The following LYPD6 variants were observed in gnomAD, a reference collection of about 807,000 sequenced individuals.
LYPD6 encodes LY6/PLAUR domain containing 6.
In LYPD6, 15 loss-of-function variants were observed where a neutral mutation model predicts 22.7. The ratio of observed to expected loss-of-function variants is 0.66; its 90% CI spans 0.44 to 1.02. The LOEUF is 1.02. LYPD6 is among the 50% of genes least tolerant of loss of function. LYPD6 has a pLI of 0.00. For missense variants in LYPD6, 189 were observed against 208.4 expected, an observed-to-expected ratio of 0.91 and a Z score of 0.57; for synonymous variants, 72 against 77.5, an observed-to-expected ratio of 0.93 and a Z score of 0.37.
intron 3 of LYPD6, among the ~76,000 whole-genome samples, chr2:149,453,681 C>A (rs547128035): frequency 2.0e-5 from 3 of 152,342 alleles, no homozygotes; most frequent in South Asian, 4.1e-4. Context: ...ATGTGATCCT[C>A]AGCTCAACTG....
chr2:149,399,578 G>C (rs1037764493), intron 1 of LYPD6, among the ~76,000 whole-genome samples: 4 of 151,696 alleles, frequency 2.6e-5, no homozygotes, highest in African/African-American at 9.7e-5. Context: ...AAACCTATGG[G>C]ATATAGGGAC....
chr2:149,432,608 G>C (rs1179170716), intron 1 of LYPD6, among the ~76,000 whole-genome samples: 1 of 152,146 alleles, frequency 6.6e-6, no homozygotes, highest in Non-Finnish European at 1.5e-5. Context: ...CCAAGGTGCA[G>C]GCCTTCCTCT....
chr2:149,448,528 T>A (rs537672833), intron 2 of LYPD6, among the ~76,000 whole-genome samples: 116 of 152,078 alleles, frequency 7.6e-4, no homozygotes, highest in African/African-American at 2.7e-3. Context: ...AACCCACCTC[T>A]CTCCCCACCT....
intron 1 of LYPD6, among the ~76,000 whole-genome samples, chr2:149,375,687 C>T (rs1681902575): frequency 6.6e-6 from 1 of 152,032 alleles, no homozygotes; most frequent in Admixed American, 6.6e-5. Flanking sequence ...TTTGAAATTC[C>T]CAAGTGCTAT....
intron 2 of LYPD6, among the ~76,000 whole-genome samples, chr2:149,438,105 A>G (rs1272500250): frequency 6.6e-6 from 1 of 152,192 alleles, no homozygotes; most frequent in Non-Finnish European, 1.5e-5. Context: ...TGCCAGTCCT[A>G]AGTCAGCTTT....
intron 1 of LYPD6, among the ~76,000 whole-genome samples, chr2:149,404,274 T>G (rs1682637748): frequency 6.6e-6 from 1 of 152,154 alleles, no homozygotes; most frequent in Non-Finnish European, 1.5e-5. Flanking sequence ...GTGAAGAAAA[T>G]CATTGTTAGC....
intron 2 of LYPD6, among the ~76,000 whole-genome samples, chr2:149,447,357 C>T (rs1333167263): frequency 1.3e-5 from 2 of 152,148 alleles, no homozygotes; most frequent in Non-Finnish European, 2.9e-5. Context: ...ACAGTTCCTT[C>T]TGAAGGCAGG....
chr2:149,384,353 C>T (rs1682132269), intron 1 of LYPD6, among the ~76,000 whole-genome samples: 2 of 152,304 alleles, frequency 1.3e-5, no homozygotes, highest in East Asian at 1.9e-4. Context: ...CTGTAGAAAA[C>T]TCAAATGACA....
At chr2:149,341,663 C>T (rs2105049565) in intron 1 of LYPD6, among the ~76,000 whole-genome samples, 1 of 152,272 alleles carries the variant, frequency 6.6e-6, no homozygotes, top group South Asian at 2.1e-4. Context: ...TTATTTCTCA[C>T]ACATCTGAGG....
intron 1 of LYPD6, among the ~76,000 whole-genome samples, chr2:149,398,036 G>A (rs938149736): frequency 2.6e-5 from 4 of 152,178 alleles, no homozygotes; most frequent in African/African-American, 7.2e-5. Flanking sequence ...GAGGGAACAC[G>A]GTAAGATGAG....
intron 1 of LYPD6, among the ~76,000 whole-genome samples, chr2:149,343,093 A>G (rs1006666492): frequency 1.3e-5 from 2 of 152,166 alleles, no homozygotes; most frequent in Admixed American, 6.5e-5. Context: ...CAGCTAGGAC[A>G]TGCAAATTCA....
At chr2:149,402,886 CA>C (rs1181270532) in intron 1 of LYPD6, among the ~76,000 whole-genome samples, 3 of 143,088 alleles carry the variant, frequency 2.1e-5, no homozygotes, top group Non-Finnish European at 3.0e-5. Context: ...CCCCCTCCCC[CA>C]ACCGCACAAC....
At chr2:149,410,111 A>T (rs963773160) in intron 1 of LYPD6, among the ~76,000 whole-genome samples, 1 of 152,216 alleles carries the variant, frequency 6.6e-6, no homozygotes, top group Non-Finnish European at 1.5e-5. Context: ...CACTTGGCAT[A>T]TAGTAGGTGC....
chr2:149,422,397 G>A (rs371703405), intron 1 of LYPD6, among the ~76,000 whole-genome samples: 9 of 152,074 alleles, frequency 5.9e-5, no homozygotes, highest in African/African-American at 2.2e-4. Context: ...CTCCTTCACA[G>A]TAAGCCTAGC....
At position 149,471,099 on chromosome 2, in the gene LYPD6, T is replaced by C; in HGVS notation, c.*249T>C. 1 of 362,760 alleles carries C rather than the reference T, an allele frequency of 2.8e-6. No individual in the cohort carries two copies. Among genetic ancestry groups the C allele is most frequent in the Non-Finnish European group, 5.0e-6 (1 of 198,982 alleles). 22.5% of individuals were successfully genotyped at this position (362,760 alleles called of 1,614,324 possible). A position where few individuals can be genotyped will look rare whatever the true frequency, so the allele number is the denominator to read the frequency against. The stretch of plus-strand genomic sequence containing the variant: ...AGTTCCATACCATAAACGTTTGTTT[T>C]CATTCCAAGAAGTAGTTCTGCATTT... On this transcript the variant is annotated 3_prime_UTR_variant, in exon 5 of 5. Transcript: ENST00000334166.
chr2:149,405,010 G>T (rs1017862314), intron 1 of LYPD6, among the ~76,000 whole-genome samples: 2 of 152,032 alleles, frequency 1.3e-5, no homozygotes, highest in Non-Finnish European at 2.9e-5. Flanking sequence ...TTTTGTCTTT[G>T]GTTCTGTTTA....
At chr2:149,376,483 A>G (rs1004939778) in intron 1 of LYPD6, among the ~76,000 whole-genome samples, 4 of 151,994 alleles carry the variant, frequency 2.6e-5, no homozygotes, top group Non-Finnish European at 5.9e-5. Flanking sequence ...AGAGGAGGGG[A>G]TAAAGAACAA....
intron 1 of LYPD6, among the ~76,000 whole-genome samples, chr2:149,412,008 T>C (rs1682860948): frequency 1.3e-5 from 2 of 152,238 alleles, no homozygotes; most frequent in South Asian, 2.1e-4. Context: ...TGTATGATTG[T>C]ACTTTATAAA....
chr2:149,340,643 G>A (rs987768155), intron 1 of LYPD6, among the ~76,000 whole-genome samples: 2 of 152,164 alleles, frequency 1.3e-5, no homozygotes, highest in African/African-American at 4.8e-5. Flanking sequence ...GGCATCATTT[G>A]CTTCAGCTGT....
Sources: gnomAD v4.1 joint callset for allele counts (sites outside exome capture counted in the v4.1 genomes callset) on GRCh38, gnomAD v4.1.1 for gene constraint, MANE v1.5 for transcripts, NCBI Gene and HGNC (gene_info 2026-07-23, HGNC 2026-07-21) for gene names.